The following GIMAP5 variants were observed in gnomAD, a reference collection of about 807,000 sequenced individuals.
GIMAP5 encodes the protein GTPase IMAP family member 5.
GIMAP5 carries 8 observed loss-of-function variants against 9.9 expected under a neutral mutation model. The observed-to-expected ratio is 0.81, with a 90% CI of 0.47 to 1.45. The LOEUF (loss-of-function observed/expected upper bound fraction) is 1.45, where lower values mean the gene tolerates loss of function less well. GIMAP5 is among the 40% of genes most tolerant of loss of function. The pLI, the probability that GIMAP5 is intolerant of heterozygous loss-of-function variation, is 0.00. For missense variants in GIMAP5, 353 were observed against 367.4 expected (o/e 0.96, Z 0.32); for synonymous variants, 174 against 151.4 (o/e 1.15, Z -1.09).
Position 150,743,418 on chromosome 7 carries a change from G to A in GIMAP5, c.*355G>A, listed in dbSNP as rs756441933. On this transcript the variant is annotated 3_prime_UTR_variant, in exon 3 of 3. Coordinates refer to ENST00000358647, the MANE Select transcript of GIMAP5 (RefSeq NM_018384.5). ...CATTGTGGGGTCTGGGCGTGACACT[G>A]GGACTCTCAGCAGCTTTGTGCTGCC... The A allele has an allele frequency of 6.8e-5, 15 of 220,496 alleles. No individual in the cohort carries two copies. Among genetic ancestry groups the A allele is most frequent in the African/African-American group, 9.2e-5 (4 of 43,302 alleles). The allele number at this position is 220,496 out of a possible 1,614,324, so 13.7% of individuals were successfully genotyped here. A position where few individuals can be genotyped will look rare whatever the true frequency, so the allele number is the denominator to read the frequency against.
chr7:150,737,544 C>G lies in GIMAP5; in HGVS notation c.-171C>G. The G allele has an allele frequency of 6.5e-7, 1 of 1,535,660 alleles. No homozygotes were observed. Among genetic ancestry groups the G allele is most frequent in the South Asian group, 1.2e-5 (1 of 84,068 alleles). On this transcript the variant is annotated 5_prime_UTR_variant, in exon 1 of 3. Transcript: ENST00000358647. ...TTTCAGCCCCAGCACATGGCTCCTC[C>G]TTAACTGCGTCTGCTCAACCTCCCT... is the stretch of plus-strand genomic sequence containing the variant.
In GIMAP5 at chr7:150,743,097, C is replaced by A. The variant is rs920953413; in HGVS notation, c.*34C>A. 1.3e-6 allele frequency: 2 copies of A among 1,565,968 alleles called. No individual in the cohort carries two copies. Among genetic ancestry groups the A allele is most frequent in the Non-Finnish European group, 8.6e-7 (1 of 1,156,540 alleles). On this transcript the variant is annotated 3_prime_UTR_variant, in exon 3 of 3. Coordinates refer to ENST00000358647, the MANE Select transcript of GIMAP5 (RefSeq NM_018384.5). ...ACCCTGGAGCACTTCTAATGTATCACCCCATGGAGTCATTGTTCTAATAAT... is the reference window on the plus strand; with the variant it reads ...ACCCTGGAGCACTTCTAATGTATCAACCCATGGAGTCATTGTTCTAATAAT...
chr7:150,737,842 G>A (rs750097000), intron 1 of GIMAP5, 134 bp downstream of exon 1: 57 of 713,712 alleles, frequency 8.0e-5, no homozygotes, highest in South Asian at 8.8e-5. Context: ...GTAAAACGGG[G>A]CAATGGTGAT....
At position 150,742,171 on chromosome 7, in the gene GIMAP5, C is replaced by A; in HGVS notation, c.44-12C>A. On this transcript the variant is annotated splice_polypyrimidine_tract_variant and intron_variant, in intron 2 of 2. Coordinates refer to ENST00000358647, the MANE Select transcript of GIMAP5 (RefSeq NM_018384.5). ...ATTAACTTAGTAAGATACAAAACTT[C>A]GTTTTCTACAGGTAGATCAGAAGAT... The A allele has an allele frequency of 6.2e-7, 1 of 1,607,580 alleles. No homozygotes were observed. Among genetic ancestry groups the A allele is most frequent in the South Asian group, 1.1e-5 (1 of 90,558 alleles).
chr7:150,739,493 A>AATTATGATG (rs1797563743), intron 1 of GIMAP5: 1 of 152,252 alleles, frequency 6.6e-6, no homozygotes, highest in Admixed American at 6.5e-5. Context: ...GGCTTATTAC[A>AATTATGATG]ATTATGATGT....
Position 150,742,635 on chromosome 7 carries a change from G to A in GIMAP5, c.496G>A (p.Ala166Thr), listed in dbSNP as rs1472201528. The change falls in exon 3 of 3, where the codon GCA becomes ACA. Residue 166 changes from alanine to threonine, a missense_variant. Physicochemically the swap from Ala to Thr is moderately conservative, Grantham distance 58 (BLOSUM62 0). Coordinates refer to ENST00000358647, the MANE Select transcript of GIMAP5 (RefSeq NM_018384.5). ...LGGQALDDYV[A>T]NTDNCSLKDL... ...GGGCCAGGCCCTGGATGACTATGTA[G>A]CAAACACGGACAACTGCAGCCTGAA... 1 of 1,614,122 alleles carries A rather than the reference G, an allele frequency of 6.2e-7. No homozygotes were observed. Among genetic ancestry groups the A allele is most frequent in the Non-Finnish European group, 8.5e-7 (1 of 1,180,048 alleles).
Position 150,743,136 on chromosome 7 carries a change from T to G in GIMAP5, c.*73T>G. ...TGTTCTAATAATCACCAATTCAGAC[T>G]CAGATCCTCGTGGTCTATGGAGCAT... is the stretch of plus-strand genomic sequence containing the variant. On this transcript the variant is annotated 3_prime_UTR_variant, in exon 3 of 3. Coordinates refer to ENST00000358647, the MANE Select transcript of GIMAP5 (RefSeq NM_018384.5). 6.6e-7 allele frequency: 1 copy of G among 1,520,586 alleles called. No homozygotes were observed. Among genetic ancestry groups the G allele is most frequent in the Non-Finnish European group, 8.8e-7 (1 of 1,133,902 alleles). The allele number at this position is 1,520,586 out of a possible 1,614,324, so 94.2% of individuals were successfully genotyped here. A position where few individuals can be genotyped will look rare whatever the true frequency, so the allele number is the denominator to read the frequency against.
rs1158147148 is a variant in GIMAP5, at chr7:150,742,826, G to T, written c.687G>T (p.Leu229=). ...HSNDLFLDAQ[L]LQRTGAGACQ... ...ATGACCTCTTCTTGGATGCCCAGCT[G>T]CTCCAAAGAACTGGAGCTGGGGCCT... Residue 229 remains leucine, a synonymous_variant, in exon 3 of 3, where the codon CTG becomes CTT. Coordinates refer to ENST00000358647, the MANE Select transcript of GIMAP5 (RefSeq NM_018384.5). 3 of 1,614,170 alleles carry T rather than the reference G, an allele frequency of 1.9e-6. No homozygotes were observed. Among genetic ancestry groups the T allele is most frequent in the Non-Finnish European group, 2.5e-6 (3 of 1,180,030 alleles).
At chr7:150,738,541 A>G (rs534958360) in intron 1 of GIMAP5, 1 of 152,318 alleles carries the variant, frequency 6.6e-6, no homozygotes, top group African/African-American at 2.4e-5. Context: ...AATCAGGTTC[A>G]TGCAATTTTC....
chr7:150,739,507 T>C (rs1033737157), intron 1 of GIMAP5: 8 of 152,242 alleles, frequency 5.3e-5, no homozygotes, highest in Non-Finnish European at 1.2e-4. Context: ...ATGATGTTCA[T>C]AATCAATATC....
chr7:150,742,371 G>T lies in GIMAP5; in HGVS notation c.232G>T (p.Val78Phe). The T allele has an allele frequency of 1.2e-6, 2 of 1,614,204 alleles. No homozygotes were observed. Among genetic ancestry groups the T allele is most frequent in the Non-Finnish European group, 1.7e-6 (2 of 1,180,036 alleles). Reference protein sequence around the residue: ...VKTGTWNGRKVLVVDTPSIFE... With the variant: ...VKTGTWNGRKFLVVDTPSIFE... The stretch of plus-strand genomic sequence containing the variant: ...AACAGGAACATGGAACGGGAGGAAA[G>T]TCCTGGTGGTTGACACGCCCTCCAT... The change falls in exon 3 of 3, where the codon GTC (valine) becomes TTC (phenylalanine). Residue 78 changes from valine (V) to phenylalanine (F), a missense_variant. By Grantham distance (50) the Val-to-Phe change is conservative. Coordinates refer to ENST00000358647, the MANE Select transcript of GIMAP5 (RefSeq NM_018384.5).
intron 1 of GIMAP5, chr7:150,738,795 A>G (rs527679600): frequency 1.3e-5 from 2 of 152,330 alleles, no homozygotes; most frequent in East Asian, 3.9e-4. Context: ...CTTCAAGCCT[A>G]CGGTGTGTCC....
Position 150,737,519 on chromosome 7 carries a change from T to A in GIMAP5, c.-196T>A, listed in dbSNP as rs759084781. On this transcript the variant is annotated 5_prime_UTR_variant, in exon 1 of 3. Coordinates refer to ENST00000358647, the MANE Select transcript of GIMAP5 (RefSeq NM_018384.5). ...TTTTTGTGCAGCTGAGTCATGGAGC[T>A]TTCAGCCCCAGCACATGGCTCCTCC... The A allele has an allele frequency of 2.0e-6, 3 of 1,535,570 alleles. No individual in the cohort carries two copies. In the South Asian group the frequency reaches 3.6e-5, roughly 18 times the overall value.
chr7:150,737,936 A>G, intron 1 of GIMAP5: 1 of 577,760 alleles, frequency 1.7e-6, no homozygotes, highest in Non-Finnish European at 3.1e-6. Flanking sequence ...CAGTCCCAGG[A>G]CAGCGGGCTT....
At chr7:150,740,172 T>A (rs1245885841) in intron 1 of GIMAP5, 4 of 152,286 alleles carry the variant, frequency 2.6e-5, no homozygotes, top group Admixed American at 1.3e-4. Context: ...CCAATACTGT[T>A]GCACAATGCT....
chr7:150,740,787 T>C (rs1362204003), intron 1 of GIMAP5, 92 bp from the exon 2 acceptor site: 5 of 1,218,090 alleles, frequency 4.1e-6, no homozygotes, highest in Non-Finnish European at 6.0e-6. Flanking sequence ...TTGAGAATGA[T>C]TATTCTTAGA....
At chr7:150,742,048 C>T in intron 2 of GIMAP5, 135 bp from the exon 3 acceptor site, 1 of 1,095,026 alleles carries the variant, frequency 9.1e-7, no homozygotes, top group Non-Finnish European at 1.3e-6. Context: ...GTTGTATGCA[C>T]ACTTTTATGT....
At position 150,743,561 on chromosome 7, in the gene GIMAP5, G is replaced by A. The variant is rs6598; in HGVS notation, c.*498G>A. ...GCATTTCCAGTTGTATTAGCCAATA[G>A]ATTTCCTACTTATTTAAGCTATTTG... On this transcript the variant is annotated 3_prime_UTR_variant, in exon 3 of 3. Coordinates refer to ENST00000358647, the MANE Select transcript of GIMAP5 (RefSeq NM_018384.5). The A allele has an allele frequency of 0.38, 58,438 of 153,836 alleles. 12,134 individuals carry two copies. Among genetic ancestry groups the A allele is most frequent in the African/African-American group, 0.55 (22,938 of 41,468 alleles). The allele number at this position is 153,836 out of a possible 1,614,324, so 9.5% of individuals were successfully genotyped here.
chr7:150,741,660 C>T (rs1034947938), intron 2 of GIMAP5, among the ~76,000 whole-genome samples: 2 of 152,162 alleles, frequency 1.3e-5, no homozygotes, highest in Non-Finnish European at 2.9e-5. Flanking sequence ...GGCACAGACC[C>T]AGGGACAGGC....
Sources: allele counts gnomAD v4.1 joint callset (sites outside exome capture counted in the v4.1 genomes callset), GRCh38; gene constraint gnomAD v4.1.1; transcripts MANE v1.5; gene names NCBI Gene and HGNC (gene_info 2026-07-23, HGNC 2026-07-21).